Variants in CCM2 observed in about 807,000 individuals in gnomAD.
CCM2 encodes the protein cerebral cavernous malformations 2 protein.
CCM2 carries 25 observed loss-of-function variants against 44.9 expected under a neutral mutation model. The ratio of observed to expected loss-of-function variants is 0.56; its 90% CI spans 0.41 to 0.78. The LOEUF is 0.78. Ranked by LOEUF, CCM2 falls within the 30% of genes least tolerant of loss-of-function variation. CCM2 has a pLI of 0.00. For missense variants in CCM2, 481 were observed against 580.6 expected, an observed-to-expected ratio of 0.83 and a Z score of 1.76; for synonymous variants, 219 against 241.1, an observed-to-expected ratio of 0.91 and a Z score of 0.85.
At chr7:45,030,066 G>A (rs1319598907) in intron 1 of CCM2, among the ~76,000 whole-genome samples, 4 of 152,120 alleles carry the variant, frequency 2.6e-5, no homozygotes, top group Admixed American at 1.3e-4. Flanking sequence ...TCCGTACTGT[G>A]GACTCTGGCA....
In CCM2 at chr7:45,072,719, C is replaced by T. The variant is rs1310420656; in HGVS notation, c.746-7C>T. On this transcript the variant is annotated splice_region_variant and splice_polypyrimidine_tract_variant and intron_variant, in intron 6 of 9. Transcript: ENST00000258781. Reference sequence around the variant, plus strand: ...AGTCATCTTAGTTTTCTGCATCTTCCTTACAGATGACTCTTCTACAAAAGT... The same window carrying T: ...AGTCATCTTAGTTTTCTGCATCTTCTTTACAGATGACTCTTCTACAAAAGT... 1.9e-6 allele frequency: 3 copies of T among 1,611,242 alleles called. No individual in the cohort carries two copies. In the Middle Eastern group the frequency reaches 5.3e-4, roughly 284 times the overall value.
Position 45,075,829 on chromosome 7 carries a change from G to A in CCM2, c.1107G>A (p.Leu369=). The change falls in exon 10 of 10, where the codon CTG becomes CTA. Residue 369 remains leucine, a synonymous_variant. Transcript: ENST00000258781. ...EKDSQHFENF[L]ETIGVKDGRG... ...ACAGCCAGCACTTCGAGAACTTCCT[G>A]GAGACCATTGGCGTGAAGGATGGCC... 6.2e-7 allele frequency: 1 copy of A among 1,613,776 alleles called. No homozygotes were observed. Among genetic ancestry groups the A allele is most frequent in the Non-Finnish European group, 8.5e-7 (1 of 1,180,024 alleles).
intron 1 of CCM2, among the ~76,000 whole-genome samples, chr7:45,029,228 G>A (rs67024649): frequency 0.13 from 19,662 of 152,192 alleles, 1,584 homozygotes; most frequent in Admixed American, 0.2. Context: ...CTCATGAGAT[G>A]TACTGAATGT....
At chr7:45,054,332 G>A (rs940625745) in intron 2 of CCM2, among the ~76,000 whole-genome samples, 5 of 152,038 alleles carry the variant, frequency 3.3e-5, no homozygotes, top group African/African-American at 1.2e-4. Flanking sequence ...AAGAATTTGA[G>A]GACTAAGGTT....
chr7:45,012,708 C>T (rs896815320), intron 1 of CCM2, among the ~76,000 whole-genome samples: 1 of 151,940 alleles, frequency 6.6e-6, no homozygotes, highest in African/African-American at 2.4e-5. Flanking sequence ...GTGTGCGCCA[C>T]CATGCCTGGC....
chr7:45,061,248 C>T (rs763657282), intron 2 of CCM2, among the ~76,000 whole-genome samples: 2 of 152,104 alleles, frequency 1.3e-5, no homozygotes, highest in Non-Finnish European at 2.9e-5. Context: ...TTTAGTGAAC[C>T]TGTGTCCCTG....
chr7:45,061,157 C>T (rs919350456), intron 2 of CCM2, among the ~76,000 whole-genome samples: 2 of 152,158 alleles, frequency 1.3e-5, no homozygotes, highest in Non-Finnish European at 2.9e-5. Flanking sequence ...GTGTGCATCC[C>T]TGTTATTACA....
chr7:45,038,508 A>G (rs1215851886), intron 2 of CCM2, 82 bp downstream of exon 2: 4 of 1,425,860 alleles, frequency 2.8e-6, no homozygotes, highest in African/African-American at 2.8e-5. Context: ...TCTTGAGTTT[A>G]TAAGACACAG....
chr7:45,047,762 G>A (rs1797827519), intron 2 of CCM2, among the ~76,000 whole-genome samples: 1 of 152,182 alleles, frequency 6.6e-6, no homozygotes, highest in Admixed American at 6.5e-5. Context: ...AGTGATGGGT[G>A]CTCTGGCTGT....
chr7:45,021,057 C>T (rs538952113), intron 1 of CCM2, among the ~76,000 whole-genome samples: 3 of 152,148 alleles, frequency 2.0e-5, no homozygotes, highest in Admixed American at 6.6e-5. Context: ...TCGAGAATAT[C>T]GAGTGCTGTG....
At chr7:45,033,915 C>G (rs567666464) in intron 1 of CCM2, among the ~76,000 whole-genome samples, 25 of 152,240 alleles carry the variant, frequency 1.6e-4, no homozygotes, top group African/African-American at 5.5e-4. Context: ...GCTAAAATTG[C>G]ATCACTAAAT....
intron 9 of CCM2, 103 bp downstream of exon 9, chr7:45,074,511 G>T: frequency 1.1e-6 from 1 of 907,048 alleles, no homozygotes; most frequent in Non-Finnish European, 1.8e-6. Context: ...TGCAGCAGGG[G>T]CTCCATCAGG....
At chr7:45,005,781 G>T (rs1446197918) in intron 1 of CCM2, among the ~76,000 whole-genome samples, 1 of 152,162 alleles carries the variant, frequency 6.6e-6, no homozygotes, top group Non-Finnish European at 1.5e-5. Context: ...GCAGACCTAG[G>T]ATGTCAGAAG....
chr7:45,070,229 T>G, intron 6 of CCM2: 2 of 502,152 alleles, frequency 4.0e-6, no homozygotes, highest in Non-Finnish European at 7.3e-6. Flanking sequence ...TGGAACCACT[T>G]GTGGCTAAAG....
rs1022683380 is a variant in CCM2 at position 45,073,735 on chromosome 7, G to A, written c.915+164G>A. 8 of 615,074 alleles carry A rather than the reference G, an allele frequency of 1.3e-5. No homozygotes were observed. In the African/African-American group the frequency reaches 1.5e-4, roughly 11 times the overall value. 38.1% of individuals were successfully genotyped at this position (615,074 alleles called of 1,614,324 possible). On this transcript the variant is annotated intron_variant, in intron 8 of 9. Coordinates refer to ENST00000258781, the MANE Select transcript of CCM2 (RefSeq NM_031443.4). ...TTTGCTGACATCACTGCCTTTTCCT[G>A]GGGATAGTCTAGGAGAGCATCAGTC... is the stretch of plus-strand genomic sequence containing the variant.
chr7:45,063,608 T>C (rs1386748700), intron 2 of CCM2, among the ~76,000 whole-genome samples: 2 of 152,224 alleles, frequency 1.3e-5, no homozygotes, highest in African/African-American at 4.8e-5. Flanking sequence ...ATCCCTGTTT[T>C]AGAATACAGA....
Position 45,076,191 on chromosome 7 carries a change from G to A in CCM2, c.*134G>A, listed in dbSNP as rs759081158. The A allele has an allele frequency of 2.8e-5, 36 of 1,278,164 alleles. No homozygotes were observed. The highest frequency in any genetic ancestry group is 1.5e-4 in the African/African-American group (10 of 68,024). 79.2% of individuals were successfully genotyped at this position (1,278,164 alleles called of 1,614,324 possible). A position where few individuals can be genotyped will look rare whatever the true frequency, so the allele number is the denominator to read the frequency against. The stretch of plus-strand genomic sequence containing the variant: ...GCGCCCGGTGCAGATGGCCCCGGGC[G>A]GCCCAGGTCCTCTACTGTGAAGGAG... On this transcript the variant is annotated 3_prime_UTR_variant, in exon 10 of 10. Coordinates refer to ENST00000258781, the MANE Select transcript of CCM2 (RefSeq NM_031443.4).
At chr7:45,058,448 T>C (rs1798366941) in intron 2 of CCM2, among the ~76,000 whole-genome samples, 1 of 151,676 alleles carries the variant, frequency 6.6e-6, no homozygotes, top group Non-Finnish European at 1.5e-5. Context: ...TAGGTATATC[T>C]TCTAATGCTA....
chr7:45,044,435 C>T (rs191798520), intron 2 of CCM2, among the ~76,000 whole-genome samples: 2 of 152,308 alleles, frequency 1.3e-5, no homozygotes. Flanking sequence ...CACGTCTGGC[C>T]CAGCTGTAGT....
Sources: gnomAD v4.1 joint callset for allele counts (sites outside exome capture counted in the v4.1 genomes callset) on GRCh38, gnomAD v4.1.1 for gene constraint, MANE v1.5 for transcripts, NCBI Gene and HGNC (gene_info 2026-07-23, HGNC 2026-07-21) for gene names.